The following SLC8A1 variants were observed in gnomAD, a reference collection of about 807,000 sequenced individuals.
The protein encoded by SLC8A1 is sodium/calcium exchanger 1.
A neutral mutation model predicts 68.3 loss-of-function variants in SLC8A1; 18 were observed. The observed-to-expected ratio is 0.26, with a 90% CI of 0.18 to 0.39. SLC8A1 has a LOEUF of 0.39. Among genes scored for constraint, SLC8A1 ranks in the 10% least tolerant of loss-of-function variants. SLC8A1 has a pLI of 1.00. For missense variants in SLC8A1, 985 were observed against 1,156.7 expected (o/e 0.85, Z 2.15); for synonymous variants, 475 against 415.5 (o/e 1.14, Z -1.74).
intron 1 of SLC8A1, among the ~76,000 whole-genome samples, chr2:40,447,573 T>C (rs1390337284): frequency 1.6e-5 from 2 of 124,556 alleles, no homozygotes; most frequent in Non-Finnish European, 3.3e-5. Context: ...GTTGACCTGA[T>C]AAACCAATCC....
chr2:40,244,777 T>A (rs1379050008), intron 2 of SLC8A1, among the ~76,000 whole-genome samples: 5 of 152,098 alleles, frequency 3.3e-5, no homozygotes, highest in Non-Finnish European at 2.9e-5. Flanking sequence ...AGAGGATTAG[T>A]TAGCAGAGCA....
At chr2:40,302,074 T>TGTGTGTG (rs1491553759) in intron 2 of SLC8A1, among the ~76,000 whole-genome samples, 32 of 147,996 alleles carry the variant, frequency 2.2e-4, no homozygotes, top group Middle Eastern at 3.7e-3. Context: ...TGTGTGTGTG[T>TGTGTGTG]TTAGTAGAGA....
chr2:40,497,555 T>C (rs1450910679), intron 1 of SLC8A1, among the ~76,000 whole-genome samples: 1 of 151,934 alleles, frequency 6.6e-6, no homozygotes, highest in Non-Finnish European at 1.5e-5. Context: ...TAAAGCTCTA[T>C]TGAGGGTTCA....
At chr2:40,397,680 C>T (rs1423717183) in intron 2 of SLC8A1, among the ~76,000 whole-genome samples, 1 of 152,180 alleles carries the variant, frequency 6.6e-6, no homozygotes, top group Non-Finnish European at 1.5e-5. Flanking sequence ...AGGCCCTACC[C>T]TGAGACAAGT....
At chr2:40,473,417 C>G (rs1024395395) in intron 1 of SLC8A1, among the ~76,000 whole-genome samples, 12 of 152,132 alleles carry the variant, frequency 7.9e-5, no homozygotes, top group African/African-American at 2.7e-4. Flanking sequence ...TCTCAACATT[C>G]CTTTTCCCTC....
intron 5 of SLC8A1, among the ~76,000 whole-genome samples, chr2:40,164,518 G>C (rs998221696): frequency 6.6e-6 from 1 of 152,120 alleles, no homozygotes; most frequent in African/African-American, 2.4e-5. Flanking sequence ...ATAGAACTTG[G>C]TTTCTTCCAC....
chr2:40,396,166 T>G (rs1006087758), intron 2 of SLC8A1, among the ~76,000 whole-genome samples: 1 of 152,162 alleles, frequency 6.6e-6, no homozygotes, highest in African/African-American at 2.4e-5. Context: ...TTTAAAGCAG[T>G]TGGTCTCTAA....
Position 40,349,717 on chromosome 2 carries a change from T to G in SLC8A1, c.1808+78756A>C, listed in dbSNP as rs1216897918. 2.6e-5 allele frequency among the ~76,000 whole-genome samples: 4 copies of G among 152,144 alleles called. No individual in the cohort carries two copies. In the East Asian group the frequency reaches 7.7e-4, roughly 29 times the overall value. On this transcript the variant is annotated intron_variant, in intron 2 of 7. Transcript: ENST00000406785. ...CTGTGGCCTACTTAAGATGGTACTA[T>G]CTGCAAAAGTGCCAGCCTTAAAAAG...
chr2:40,409,847 C>G (rs1691540728), intron 2 of SLC8A1, among the ~76,000 whole-genome samples: 1 of 152,150 alleles, frequency 6.6e-6, no homozygotes, highest in African/African-American at 2.4e-5. Context: ...GCTTTGCCTT[C>G]AATTTCATTA....
intron 2 of SLC8A1, among the ~76,000 whole-genome samples, chr2:40,404,997 C>T (rs189588171): frequency 1.6e-4 from 25 of 152,194 alleles, no homozygotes; most frequent in East Asian, 5.8e-4. Flanking sequence ...TATAATCCCA[C>T]GAAAATTCTG....
intron 2 of SLC8A1, among the ~76,000 whole-genome samples, chr2:40,232,511 AG>A (rs754525493): frequency 4.3e-4 from 65 of 151,646 alleles, no homozygotes; most frequent in Non-Finnish European, 8.8e-4. Context: ...AGGATAGGGA[AG>A]GGAATTTAAC....
At chr2:40,242,814 G>T (rs368451008) in intron 2 of SLC8A1, among the ~76,000 whole-genome samples, 21 of 152,126 alleles carry the variant, frequency 1.4e-4, no homozygotes, top group African/African-American at 4.8e-4. Flanking sequence ...TAGAAAAAAA[G>T]AGACTAAATT....
chr2:40,480,880 A>G (rs545968441), intron 1 of SLC8A1, among the ~76,000 whole-genome samples: 2 of 152,272 alleles, frequency 1.3e-5, no homozygotes, highest in African/African-American at 4.8e-5. Flanking sequence ...TACAAACACA[A>G]CCCAACTTAT....
At chr2:40,267,471 G>C (rs1016690616) in intron 2 of SLC8A1, among the ~76,000 whole-genome samples, 2 of 152,152 alleles carry the variant, frequency 1.3e-5, no homozygotes, top group African/African-American at 4.8e-5. Flanking sequence ...CTCTAAGAAT[G>C]ACAGTCCTGG....
chr2:40,234,540 T>C (rs1574460181), intron 2 of SLC8A1, among the ~76,000 whole-genome samples: 1 of 152,198 alleles, frequency 6.6e-6, no homozygotes, highest in African/African-American at 2.4e-5. Flanking sequence ...TCATGTCTTC[T>C]GCAAAAAGGG....
chr2:40,294,560 A>G (rs2069972520), intron 2 of SLC8A1, among the ~76,000 whole-genome samples: 2 of 152,092 alleles, frequency 1.3e-5, no homozygotes, highest in Admixed American at 6.6e-5. Context: ...GGGGAGAGAG[A>G]GGGAGAGAGA....
At chr2:40,304,153 G>C (rs74807190) in intron 2 of SLC8A1, among the ~76,000 whole-genome samples, 5,831 of 152,294 alleles carry the variant, frequency 0.038, 165 homozygotes, top group Non-Finnish European at 0.057. Flanking sequence ...ACACATGGTA[G>C]TGTTTTAATG....
At chr2:40,378,153 A>T (rs1299897309) in intron 2 of SLC8A1, among the ~76,000 whole-genome samples, 2 of 152,122 alleles carry the variant, frequency 1.3e-5, no homozygotes, top group African/African-American at 4.8e-5. Context: ...AAGGGAAATA[A>T]GAAATAAGAA....
chr2:40,409,077 C>G (rs780876217), intron 2 of SLC8A1, among the ~76,000 whole-genome samples: 1 of 152,004 alleles, frequency 6.6e-6, no homozygotes, highest in African/African-American at 2.4e-5. Context: ...CAAGACAGAC[C>G]TGTAAAGTGC....
Sources: allele counts gnomAD v4.1 joint callset (sites outside exome capture counted in the v4.1 genomes callset), GRCh38; gene constraint gnomAD v4.1.1; transcripts MANE v1.5; gene names NCBI Gene and HGNC (gene_info 2026-07-23, HGNC 2026-07-21).